DISP1: variants seen among roughly 807,000 people sequenced by gnomAD.
The protein encoded by DISP1 is protein dispatched homolog 1.
In DISP1, 30 loss-of-function variants were observed where a neutral mutation model predicts 37.3. The observed-to-expected ratio is 0.80, with a 90% CI of 0.60 to 1.09. DISP1 has a LOEUF of 1.09. Among genes scored for constraint, DISP1 ranks in the 50% least tolerant of loss-of-function variants. The pLI is 0.00. For missense variants in DISP1, 1,598 were observed against 1,879.5 expected (o/e 0.85, Z 2.77); for synonymous variants, 634 against 690.2 (o/e 0.92, Z 1.28).
intron 1 of DISP1, among the ~76,000 whole-genome samples, chr1:222,904,234 G>A (rs61840863): frequency 0.12 from 18,023 of 152,054 alleles, 1,160 homozygotes; most frequent in African/African-American, 0.14. Flanking sequence ...AAATTAAAAC[G>A]TAATCTCCAA....
intron 1 of DISP1, among the ~76,000 whole-genome samples, chr1:222,856,659 G>C (rs2125318763): frequency 1.3e-5 from 2 of 151,400 alleles, no homozygotes; most frequent in South Asian, 4.2e-4. Context: ...ATTTGGGCAA[G>C]AATATTGAGT....
chr1:222,994,401 C>A (rs1678913831), intron 7 of DISP1, among the ~76,000 whole-genome samples: 2 of 152,154 alleles, frequency 1.3e-5, no homozygotes, highest in Non-Finnish European at 2.9e-5. Context: ...CAGAATGTGG[C>A]CAGCATTCTG....
At chr1:222,924,299 T>G (rs1021290585) in intron 1 of DISP1, among the ~76,000 whole-genome samples, 2 of 152,218 alleles carry the variant, frequency 1.3e-5, no homozygotes, top group African/African-American at 2.4e-5. Context: ...TTGGGATTTA[T>G]CTTATCTATT....
chr1:222,924,754 A>G (rs1192390852), intron 1 of DISP1, among the ~76,000 whole-genome samples: 2 of 152,178 alleles, frequency 1.3e-5, no homozygotes, highest in Non-Finnish European at 2.9e-5. Context: ...TAATGCTAAG[A>G]AAAAAGATAA....
chr1:222,980,855 C>T (rs747287830), intron 3 of DISP1, among the ~76,000 whole-genome samples: 8 of 152,112 alleles, frequency 5.3e-5, no homozygotes, highest in Non-Finnish European at 1.0e-4. Flanking sequence ...GAGGCCCAGG[C>T]GGGTGGGAGG....
intron 1 of DISP1, among the ~76,000 whole-genome samples, chr1:222,868,247 A>G (rs909322206): frequency 7.9e-5 from 12 of 152,038 alleles, no homozygotes; most frequent in Non-Finnish European, 8.8e-5. Flanking sequence ...GTAGCTCTGT[A>G]TTTACTGATT....
intron 1 of DISP1, among the ~76,000 whole-genome samples, chr1:222,876,516 T>C (rs1254988434): frequency 1.3e-5 from 2 of 152,176 alleles, no homozygotes; most frequent in Non-Finnish European, 2.9e-5. Flanking sequence ...CAAGACTAAA[T>C]GCCCATCGAA....
intron 2 of DISP1, among the ~76,000 whole-genome samples, chr1:222,939,792 C>T (rs1359423785): frequency 6.6e-6 from 1 of 150,734 alleles, no homozygotes; most frequent in Non-Finnish European, 1.5e-5. Context: ...AAGATTACAC[C>T]ACTTCACTAC....
intron 1 of DISP1, among the ~76,000 whole-genome samples, chr1:222,919,010 A>G (rs1005639528): frequency 1.7e-4 from 26 of 152,310 alleles, no homozygotes; most frequent in Admixed American, 1.3e-3. Context: ...GATGTGTGCA[A>G]CCACGGAACT....
chr1:222,990,969 G>T (rs1052486315), intron 5 of DISP1, among the ~76,000 whole-genome samples: 5 of 152,086 alleles, frequency 3.3e-5, no homozygotes, highest in African/African-American at 1.2e-4. Flanking sequence ...TTTGCTTCTT[G>T]GTCCCCATGT....
intron 7 of DISP1, among the ~76,000 whole-genome samples, chr1:222,992,585 A>G (rs1678775902): frequency 6.6e-6 from 1 of 152,196 alleles, no homozygotes; most frequent in African/African-American, 2.4e-5. Context: ...CTATATTAAG[A>G]GCCTTCTGTG....
chr1:222,938,346 ATTATAC>A (rs138144045), intron 2 of DISP1, among the ~76,000 whole-genome samples: 16,299 of 152,090 alleles, frequency 0.11, 960 homozygotes, highest in East Asian at 0.25. Context: ...TTCCACTCCT[ATTATAC>A]TTATACTTCC....
At chr1:222,968,837 G>T (rs2102629414) in intron 3 of DISP1, among the ~76,000 whole-genome samples, 1 of 152,138 alleles carries the variant, frequency 6.6e-6, no homozygotes, top group East Asian at 1.9e-4. Flanking sequence ...GGAGTCTGAG[G>T]CAGGAGAATC....
Position 223,003,925 on chromosome 1 carries a change from C to T in DISP1, c.2528C>T (p.Thr843Ile), listed in dbSNP as rs1320262116. Residue 843 changes from threonine to isoleucine, a missense_variant, in exon 9 of 9, where the codon ACT (threonine) becomes ATT (isoleucine). By Grantham distance (89) the Thr-to-Ile change is moderately conservative. Transcript: ENST00000675850. The surrounding 1 kb of genome is among the most constrained non-coding windows in gnomAD (Gnocchi z 4.3). ...AGAAACCAAACATTCTTTTACCAGACTGATGAACAGGACTTCACCAGCTGC... is the reference window on the plus strand; with the variant it reads ...AGAAACCAAACATTCTTTTACCAGATTGATGAACAGGACTTCACCAGCTGC... The part of the protein sequence containing the change: ...KLRNQTFFYQ[T>I]DEQDFTSCFI... 14 of 1,614,098 alleles carry T rather than the reference C, an allele frequency of 8.7e-6. No homozygotes were observed. Among genetic ancestry groups the T allele is most frequent in the Non-Finnish European group, 1.1e-5 (13 of 1,180,056 alleles).
rs4846785 is a variant in DISP1, at chr1:222,988,591, T to C, written c.540-2034T>C. Reference sequence around the variant, plus strand: ...TTTCTCTTTCTCTCTCTCTTTCTTTTTTCTTCCTTTCTCTCTCTTCTCTTT... The same window carrying C: ...TTTCTCTTTCTCTCTCTCTTTCTTTCTTCTTCCTTTCTCTCTCTTCTCTTT... On this transcript the variant is annotated intron_variant, in intron 4 of 8. Transcript: ENST00000675850. Among the ~76,000 whole-genome samples, 4 of 152,090 alleles carry C rather than the reference T, an allele frequency of 2.6e-5. No homozygotes were observed. In the South Asian group the frequency reaches 8.3e-4, roughly 32 times the overall value.
intron 1 of DISP1, among the ~76,000 whole-genome samples, chr1:222,830,719 T>G (rs1665534233): frequency 6.6e-6 from 1 of 152,176 alleles, no homozygotes; most frequent in Non-Finnish European, 1.5e-5. Flanking sequence ...AATGCAGAGA[T>G]TTCTGTGGTA....
intron 2 of DISP1, among the ~76,000 whole-genome samples, chr1:222,941,784 C>T (rs1572571374): frequency 6.6e-6 from 1 of 152,136 alleles, no homozygotes; most frequent in African/African-American, 2.4e-5. Context: ...AAAGAGATTC[C>T]TGCACAAGCC....
intron 1 of DISP1, among the ~76,000 whole-genome samples, chr1:222,847,226 C>T (rs1285391104): frequency 6.6e-6 from 1 of 152,198 alleles, no homozygotes; most frequent in African/African-American, 2.4e-5. Flanking sequence ...GACATGTCCT[C>T]ATAGTTATTT....
rs1020117161 is a variant in DISP1, at chr1:222,993,050, C to T, written c.889+940C>T. ...GCTAATTTTGTATTTTTAGTAGAGA[C>T]GGGGTTTCTCCATCCGTGTTGGTTA... On this transcript the variant is annotated intron_variant, in intron 7 of 8. Transcript: ENST00000675850. Among the ~76,000 whole-genome samples, 11 of 151,790 alleles carry T rather than the reference C, an allele frequency of 7.2e-5. No homozygotes were observed. In the East Asian group the frequency reaches 1.4e-3, roughly 19 times the overall value.
Sources: allele counts gnomAD v4.1 joint callset (sites outside exome capture counted in the v4.1 genomes callset), GRCh38; gene constraint gnomAD v4.1.1; non-coding constraint Gnocchi (gnomAD v3.1); transcripts MANE v1.5; gene names NCBI Gene and HGNC (gene_info 2026-07-23, HGNC 2026-07-21).